The following RGS6 variants were observed in gnomAD, a reference collection of about 807,000 sequenced individuals.
The protein encoded by RGS6 is regulator of G-protein signaling 6.
RGS6 carries 30 observed loss-of-function variants against 78.5 expected under a neutral mutation model. The ratio of observed to expected loss-of-function variants is 0.38; its 90% CI spans 0.29 to 0.52. The LOEUF (loss-of-function observed/expected upper bound fraction) is 0.52, where lower values mean the gene tolerates loss of function less well. Ranked by LOEUF, RGS6 falls within the 20% of genes least tolerant of loss-of-function variation. RGS6 has a pLI of 0.85. For missense variants in RGS6, 495 were observed against 609.7 expected, an observed-to-expected ratio of 0.81 and a Z score of 1.98; for synonymous variants, 206 against 206.0, an observed-to-expected ratio of 1.00 and a Z score of 0.00.
At chr14:72,558,843 C>A (rs1227358954) in intron 17 of RGS6, among the ~76,000 whole-genome samples, 1 of 152,232 alleles carries the variant, frequency 6.6e-6, no homozygotes, top group East Asian at 1.9e-4. Context: ...GTACCTTCTG[C>A]AGCTCAGTTC....
At chr14:72,422,157 CT>C (rs2094218906) in intron 3 of RGS6, among the ~76,000 whole-genome samples, 1 of 152,208 alleles carries the variant, frequency 6.6e-6, no homozygotes, top group South Asian at 2.1e-4. Context: ...TCCTTGCCTT[CT>C]GCCATGATTG....
At chr14:72,234,607 G>T (rs1035589194) in intron 2 of RGS6, among the ~76,000 whole-genome samples, 1 of 152,046 alleles carries the variant, frequency 6.6e-6, no homozygotes, top group African/African-American at 2.4e-5. Flanking sequence ...TGGCTCCAGT[G>T]CCACCCTGCC....
chr14:72,327,272 G>T (rs1289573417), intron 2 of RGS6, among the ~76,000 whole-genome samples: 1 of 151,980 alleles, frequency 6.6e-6, no homozygotes, highest in Non-Finnish European at 1.5e-5. Context: ...CAAACTGCAG[G>T]CCAGCTGCCT....
intron 11 of RGS6, 45 bp from the exon 12 acceptor site, chr14:72,478,223 A>G: frequency 1.3e-6 from 2 of 1,487,442 alleles, no homozygotes; most frequent in Non-Finnish European, 1.9e-6. Flanking sequence ...GGGGAAAAAA[A>G]TAATTTTAGT....
At chr14:72,309,660 C>T (rs2068082874) in intron 2 of RGS6, among the ~76,000 whole-genome samples, 1 of 152,234 alleles carries the variant, frequency 6.6e-6, no homozygotes, top group African/African-American at 2.4e-5. Flanking sequence ...TGAAATAACA[C>T]ATGCATTGAA....
intron 2 of RGS6, among the ~76,000 whole-genome samples, chr14:72,146,988 G>A (rs1055243118): frequency 2.6e-5 from 4 of 152,144 alleles, no homozygotes; most frequent in Non-Finnish European, 4.4e-5. Flanking sequence ...CACAAGGATG[G>A]CCTTTACTCC....
intron 2 of RGS6, among the ~76,000 whole-genome samples, chr14:71,988,264 T>C (rs1191816473): frequency 6.6e-6 from 1 of 152,198 alleles, no homozygotes. Flanking sequence ...TTAACTTCAT[T>C]GCGTTGCTGG....
chr14:72,148,509 T>C (rs972149578), intron 2 of RGS6, among the ~76,000 whole-genome samples: 3 of 152,184 alleles, frequency 2.0e-5, no homozygotes, highest in African/African-American at 4.8e-5. Flanking sequence ...TTAGTGCCTT[T>C]GGAGAGGAGT....
At chr14:72,071,153 G>A (rs1460367203) in intron 2 of RGS6, among the ~76,000 whole-genome samples, 1 of 152,072 alleles carries the variant, frequency 6.6e-6, no homozygotes, top group Non-Finnish European at 1.5e-5. Flanking sequence ...AACATTATGT[G>A]AATTGAATAA....
intron 2 of RGS6, among the ~76,000 whole-genome samples, chr14:72,176,562 A>G (rs138952520): frequency 1.8e-4 from 28 of 152,344 alleles, no homozygotes; most frequent in Admixed American, 1.8e-3. Flanking sequence ...TATAGGAGAC[A>G]ATCCCCTTAC....
intron 2 of RGS6, among the ~76,000 whole-genome samples, chr14:72,349,090 C>A (rs1248359267): frequency 6.6e-6 from 1 of 152,168 alleles, no homozygotes; most frequent in Non-Finnish European, 1.5e-5. Context: ...TGGCATGAAC[C>A]TGGGAGGTAG....
intron 15 of RGS6, among the ~76,000 whole-genome samples, chr14:72,527,957 G>A (rs935407810): frequency 1.3e-5 from 2 of 152,194 alleles, no homozygotes; most frequent in East Asian, 1.9e-4. Context: ...GCTCTTGGCC[G>A]CTGTGCAATG....
chr14:72,107,493 C>G (rs2095657825), intron 2 of RGS6, among the ~76,000 whole-genome samples: 1 of 152,126 alleles, frequency 6.6e-6, no homozygotes, highest in Non-Finnish European at 1.5e-5. Flanking sequence ...CCTGCTCCCC[C>G]AGTTCTTTTT....
At chr14:71,996,992 G>T (rs1050887082) in intron 2 of RGS6, among the ~76,000 whole-genome samples, 2 of 152,138 alleles carry the variant, frequency 1.3e-5, no homozygotes, top group South Asian at 4.1e-4. Flanking sequence ...GATGAGGTTT[G>T]ATATGCATGA....
At chr14:72,112,212 C>T (rs1157498814) in intron 2 of RGS6, among the ~76,000 whole-genome samples, 1 of 152,242 alleles carries the variant, frequency 6.6e-6, no homozygotes, top group African/African-American at 2.4e-5. Flanking sequence ...GCACCTCACC[C>T]TCTCCAACAC....
intron 2 of RGS6, among the ~76,000 whole-genome samples, chr14:72,331,954 C>G (rs145361827): frequency 3.7e-4 from 57 of 152,288 alleles, no homozygotes; most frequent in African/African-American, 1.3e-3. Flanking sequence ...ATTCCTCAGC[C>G]CTGCAAAGAG....
Position 72,476,982 on chromosome 14 carries a change from T to C in RGS6, c.792+142T>C, listed in dbSNP as rs1026091782. ...CCCAGCTGTGGGTGATTGAACCTTT[T>C]AAGTGCTGTGTGTGAACAAGCCACG... On this transcript the variant is annotated intron_variant, in intron 11 of 17. Transcript: ENST00000553525. 4.8e-5 allele frequency: 33 copies of C among 683,366 alleles called. No homozygotes were observed. In the African/African-American group the frequency reaches 5.2e-4, roughly 11 times the overall value. The allele number at this position is 683,366 out of a possible 1,614,324, so 42.3% of individuals were successfully genotyped here.
At chr14:72,468,317 T>G (rs913496094) in intron 7 of RGS6, among the ~76,000 whole-genome samples, 3 of 151,080 alleles carry the variant, frequency 2.0e-5, no homozygotes, top group Non-Finnish European at 2.9e-5. Flanking sequence ...AGGCGGAGGT[T>G]GTGAGCCAAG....
chr14:72,206,257 G>A (rs989449730), intron 2 of RGS6, among the ~76,000 whole-genome samples: 1 of 152,070 alleles, frequency 6.6e-6, no homozygotes, highest in Admixed American at 6.5e-5. Context: ...TTGAGGCCAG[G>A]AGTTCAAGAC....
Sources: gnomAD v4.1 joint callset for allele counts (sites outside exome capture counted in the v4.1 genomes callset) on GRCh38, gnomAD v4.1.1 for gene constraint, MANE v1.5 for transcripts, NCBI Gene and HGNC (gene_info 2026-07-23, HGNC 2026-07-21) for gene names.